Variants in PLCB1 observed in about 807,000 individuals in gnomAD.
The protein encoded by PLCB1 is 1-phosphatidylinositol 4,5-bisphosphate phosphodiesterase beta-1.
PLCB1 carries 46 observed loss-of-function variants against 161.8 expected under a neutral mutation model. The ratio of observed to expected loss-of-function variants is 0.28; its 90% CI spans 0.22 to 0.36. The LOEUF (loss-of-function observed/expected upper bound fraction) is 0.36. Among genes scored for constraint, PLCB1 ranks in the 10% least tolerant of loss-of-function variants. The pLI is 1.00. For missense variants in PLCB1, 1,016 were observed against 1,472.5 expected, an observed-to-expected ratio of 0.69 and a Z score of 5.07; for synonymous variants, 517 against 503.7, an observed-to-expected ratio of 1.03 and a Z score of -0.35.
At chr20:8,558,766 G>A (rs183368764) in intron 3 of PLCB1, among the ~76,000 whole-genome samples, 1 of 151,978 alleles carries the variant, frequency 6.6e-6, no homozygotes, top group African/African-American at 2.4e-5. Context: ...ATGGAGGCAA[G>A]ATAGCAATTG....
intron 3 of PLCB1, among the ~76,000 whole-genome samples, chr20:8,437,924 A>G (rs1401648410): frequency 2.0e-5 from 3 of 152,180 alleles, no homozygotes; most frequent in African/African-American, 7.2e-5. Context: ...CCAATAAATG[A>G]TACTGAGAAT....
intron 7 of PLCB1, among the ~76,000 whole-genome samples, chr20:8,655,186 A>G (rs750295729): frequency 2.0e-5 from 3 of 152,130 alleles, no homozygotes; most frequent in Non-Finnish European, 4.4e-5. Context: ...AGTAAAGCAT[A>G]TTGTTCTATC....
intron 3 of PLCB1, among the ~76,000 whole-genome samples, chr20:8,554,124 G>A (rs1985869483): frequency 6.6e-6 from 1 of 151,390 alleles, no homozygotes; most frequent in African/African-American, 2.4e-5. Context: ...TGGCAAGATT[G>A]TAGAATAGCT....
Position 8,297,974 on chromosome 20 carries a change from C to A in PLCB1, c.178-73408C>A, listed in dbSNP as rs185930822. Among the ~76,000 whole-genome samples, 262 of 149,972 alleles carry A rather than the reference C, an allele frequency of 1.7e-3. 1 individual carries two copies. The highest frequency in any genetic ancestry group is 6.2e-3 in the African/African-American group (254 of 40,672). ...CTTGTTTGCCATTTTAAATCACAGT[C>A]CCCATCAAATGCCCATTATCTTTAA... On this transcript the variant is annotated intron_variant, in intron 2 of 31. Transcript: ENST00000338037.
intron 3 of PLCB1, among the ~76,000 whole-genome samples, chr20:8,399,979 A>T (rs1031827363): frequency 3.3e-5 from 5 of 152,170 alleles, no homozygotes; most frequent in Non-Finnish European, 7.4e-5. Flanking sequence ...TGCATTATTC[A>T]TGTTGACAGG....
At chr20:8,761,977 G>GGGT (rs1018253027) in intron 25 of PLCB1, among the ~76,000 whole-genome samples, 35 of 67,698 alleles carry the variant, frequency 5.2e-4, no homozygotes, top group African/African-American at 1.2e-3. Flanking sequence ...GGGAGGCCAA[G>GGGT]GGGGGGGCGG....
chr20:8,437,487 G>A (rs1401890987), intron 3 of PLCB1, among the ~76,000 whole-genome samples: 1 of 152,102 alleles, frequency 6.6e-6, no homozygotes, highest in Admixed American at 6.5e-5. Flanking sequence ...TTTTAGAAAT[G>A]GTTTTATTAA....
At chr20:8,667,825 A>G (rs1568553443) in intron 9 of PLCB1, among the ~76,000 whole-genome samples, 1 of 152,150 alleles carries the variant, frequency 6.6e-6, no homozygotes, top group Non-Finnish European at 1.5e-5. Context: ...GTGCCTTGCC[A>G]TTTCATGGGA....
chr20:8,164,639 G>T (rs1196681115), intron 2 of PLCB1, among the ~76,000 whole-genome samples: 1 of 152,150 alleles, frequency 6.6e-6, no homozygotes, highest in African/African-American at 2.4e-5. Flanking sequence ...AACTTGTGGG[G>T]AAAGAAACTT....
At chr20:8,639,787 A>G (rs1988880930) in intron 4 of PLCB1, among the ~76,000 whole-genome samples, 1 of 152,220 alleles carries the variant, frequency 6.6e-6, no homozygotes, top group Non-Finnish European at 1.5e-5. Flanking sequence ...CTGAAATCCA[A>G]TAAATTATAA....
chr20:8,617,089 G>C (rs980779743), intron 3 of PLCB1, among the ~76,000 whole-genome samples: 2 of 152,148 alleles, frequency 1.3e-5, no homozygotes, highest in Admixed American at 1.3e-4. Context: ...GAGCAATGCT[G>C]TTCAAACTGA....
chr20:8,820,301 C>A (rs1295129153), intron 31 of PLCB1, among the ~76,000 whole-genome samples: 1 of 150,552 alleles, frequency 6.6e-6, no homozygotes, highest in African/African-American at 2.4e-5. Context: ...AAGTGAAAGA[C>A]AAACAGTAGA....
At chr20:8,240,585 T>C (rs1387651903) in intron 2 of PLCB1, among the ~76,000 whole-genome samples, 1 of 151,986 alleles carries the variant, frequency 6.6e-6, no homozygotes, top group African/African-American at 2.4e-5. Context: ...TGTGCATAAG[T>C]ATTGGCCTTC....
intron 3 of PLCB1, among the ~76,000 whole-genome samples, chr20:8,521,470 C>T (rs1010133408): frequency 5.3e-5 from 8 of 152,182 alleles, no homozygotes; most frequent in African/African-American, 1.9e-4. Context: ...TTGAGATGCT[C>T]AGGTGGGTGG....
At chr20:8,207,601 C>T (rs1450635675) in intron 2 of PLCB1, among the ~76,000 whole-genome samples, 1 of 151,908 alleles carries the variant, frequency 6.6e-6, no homozygotes, top group Non-Finnish European at 1.5e-5. Context: ...TTTTTTAAGA[C>T]ACGAGATCTT....
intron 3 of PLCB1, among the ~76,000 whole-genome samples, chr20:8,537,305 C>A (rs1463039868): frequency 6.6e-6 from 1 of 152,282 alleles, no homozygotes; most frequent in South Asian, 2.1e-4. Context: ...CTTCCTGCAT[C>A]TTTTGTCCCT....
intron 2 of PLCB1, among the ~76,000 whole-genome samples, chr20:8,250,798 T>C (rs1981100640): frequency 6.6e-6 from 1 of 151,968 alleles, no homozygotes; most frequent in African/African-American, 2.4e-5. Context: ...GGTCTACAAA[T>C]ATTTATTGAG....
intron 7 of PLCB1, among the ~76,000 whole-genome samples, chr20:8,656,255 G>A (rs963614300): frequency 1.3e-4 from 19 of 151,920 alleles, no homozygotes; most frequent in African/African-American, 4.6e-4. Context: ...CACAAATACG[G>A]GTCTTCTGCT....
chr20:8,690,145 C>G (rs1568561766), intron 10 of PLCB1, among the ~76,000 whole-genome samples: 1 of 58,670 alleles, frequency 1.7e-5, no homozygotes, highest in African/African-American at 3.9e-5. Context: ...TTTGTTTTTG[C>G]TGTTGTTTTT....
Sources: gnomAD v4.1 joint callset for allele counts (sites outside exome capture counted in the v4.1 genomes callset) on GRCh38, gnomAD v4.1.1 for gene constraint, MANE v1.5 for transcripts, NCBI Gene and HGNC (gene_info 2026-07-23, HGNC 2026-07-21) for gene names.